WDR87: variants seen among roughly 807,000 people sequenced by gnomAD.
WDR87 encodes WD repeat domain 87.
WDR87 carries 56 observed loss-of-function variants against 83.3 expected under a neutral mutation model. The observed-to-expected ratio is 0.67, with a 90% CI of 0.54 to 0.84. The LOEUF (loss-of-function observed/expected upper bound fraction) is 0.84. Ranked by LOEUF, WDR87 falls within the 40% of genes least tolerant of loss-of-function variation. The pLI, the probability that WDR87 is intolerant of heterozygous loss-of-function variation, is 0.00. For synonymous variants in WDR87, 1,173 were observed against 1,250.6 expected, an observed-to-expected ratio of 0.94 and a Z score of 1.31; for missense variants, 2,939 against 3,431.9, an observed-to-expected ratio of 0.86 and a Z score of 3.59.
At position 37,891,836 on chromosome 19, in the gene WDR87, G is replaced by A; in HGVS notation, c.3126-16C>T. ...CATCTGCTGCCTATGAAAGTCAAAGGAGAAGAAGGACTATGCTGAGTCAGG... is the reference window on the plus strand; with the variant it reads ...CATCTGCTGCCTATGAAAGTCAAAGAAGAAGAAGGACTATGCTGAGTCAGG... On this transcript the variant is annotated splice_polypyrimidine_tract_variant and intron_variant, in intron 4 of 5. Coordinates refer to ENST00000447313, the MANE Select transcript of WDR87 (RefSeq NM_001291088.2). 1 of 1,550,062 alleles carries A rather than the reference G, an allele frequency of 6.5e-7. No individual in the cohort carries two copies. The highest frequency in any genetic ancestry group is 8.7e-7 in the Non-Finnish European group (1 of 1,146,040).
chr19:37,886,965 A>G lies in WDR87; in HGVS notation c.6706T>C (p.Trp2236Arg). Residue 2236 changes from tryptophan (W) to arginine (R), a missense_variant, in exon 6 of 6, where the codon TGG (tryptophan) becomes CGG (arginine). Physicochemically the swap from Trp to Arg is moderately radical, Grantham distance 101 (BLOSUM62 -3). This residue lies in a region of WDR87 where 2,160 missense variants were observed against 2,533.1 expected (regional missense o/e 0.85). Coordinates refer to ENST00000447313, the MANE Select transcript of WDR87 (RefSeq NM_001291088.2). ...CTCTTGGCCTCTTTCCTCTTTCTCC[A>G]CCTTCGTTTAAGGAATGGGATTACC... ...EEVIPFLKRR[W>R]RKRKEAKRGD... is the part of the protein sequence containing the mutation. 3 of 1,551,112 alleles carry G rather than the reference A, an allele frequency of 1.9e-6. No individual in the cohort carries two copies. The highest frequency in any genetic ancestry group is 1.7e-4 in the Middle Eastern group (1 of 5,998).
In WDR87 at chr19:37,886,200, C is replaced by A; in HGVS notation, c.7471G>T (p.Gly2491Cys). Reference sequence around the variant, plus strand: ...TGTGCTTGGGACTCCAAAACTGTACCCAAAACATGTGGAGGTATGGGTTCA... The same window carrying A: ...TGTGCTTGGGACTCCAAAACTGTACACAAAACATGTGGAGGTATGGGTTCA... ...KYEPIPPHVLGTVLESQAQDL... is the reference protein window; with the variant it reads ...KYEPIPPHVLCTVLESQAQDL... The change falls in exon 6 of 6, where the codon GGT (glycine) becomes TGT (cysteine). Residue 2491 changes from glycine (G) to cysteine (C), a missense_variant. Transcript: ENST00000447313. 1 of 1,551,654 alleles carries A rather than the reference C, an allele frequency of 6.4e-7. No homozygotes were observed. Among genetic ancestry groups the A allele is most frequent in the Non-Finnish European group, 8.7e-7 (1 of 1,146,998 alleles).
rs1032164984 is a variant in WDR87 at position 37,894,583 on chromosome 19, C to T, written c.1120G>A (p.Gly374Arg). The T allele has an allele frequency of 3.9e-6, 6 of 1,551,582 alleles. No homozygotes were observed. The highest frequency in any genetic ancestry group is 2.0e-5 in the Admixed American group (1 of 50,978). The change falls in exon 4 of 6, where the codon GGA (glycine) becomes AGA (arginine). Residue 374 changes from glycine (G) to arginine (R), a missense_variant. This residue lies in a region of WDR87 where 553 missense variants were observed against 577.9 expected (regional missense o/e 0.96). Transcript: ENST00000447313. ...APQQLRRVCC[G>R]NNWFRILCTT... ...CACAGGATCCGGAACCAGTTATTTC[C>T]ACAGCAGACCCGACGCAACTGCTGG...
rs2046221980 is a variant in WDR87, at chr19:37,893,176, G to A, written c.2527C>T (p.Gln843Ter). ...LWPEGTPIYL[Q>*]CNLHAPQREL... ...CGCTGGGGTGCATGCAGGTTGCACT[G>A]TAGGTATATTGGGGTGCCCTCTGGC... Residue 843 changes from glutamine (Q) to a stop codon, truncating the protein, a stop_gained, in exon 4 of 6, where the codon CAG becomes TAG. Coordinates refer to ENST00000447313, the MANE Select transcript of WDR87 (RefSeq NM_001291088.2). LOFTEE classifies it high-confidence loss of function. 1 of 1,551,844 alleles carries A rather than the reference G, an allele frequency of 6.4e-7. No individual in the cohort carries two copies.
chr19:37,889,614 T>G lies in WDR87; in HGVS notation c.4057A>C (p.Lys1353Gln), dbSNP rs1387063270. 1 of 1,551,870 alleles carries G rather than the reference T, an allele frequency of 6.4e-7. No individual in the cohort carries two copies. Among genetic ancestry groups the G allele is most frequent in the African/African-American group, 1.4e-5 (1 of 73,154 alleles). Residue 1353 changes from lysine (K) to glutamine (Q), a missense_variant, in exon 6 of 6, where the codon AAG becomes CAG. Physicochemically the swap from Lys to Gln is moderately conservative, Grantham distance 53 (BLOSUM62 1). Transcript: ENST00000447313. ...DLDWDVVPPE[K>Q]KPIFIQEGAI... ...CCTTCCTGGATAAAAATTGGTTTCT[T>G]CTCTGGCGGGACTACATCCCAATCA...
Position 37,894,903 on chromosome 19 carries a change from AC to A in WDR87, c.799del (p.Val267PhefsTer20). ...YAGNQAGEIQ[V>X]WSLQQGHPLH... ...TGGATGGCCCTGCTGGAGGCTCCAA[AC>A]TTGGATTTCCCCAGCTTGGTTTCCA... is the stretch of plus-strand genomic sequence containing the variant. On this transcript the variant is annotated frameshift_variant, in exon 4 of 6. Transcript: ENST00000447313. LOFTEE classifies it high-confidence loss of function. 1.9e-6 allele frequency: 3 copies of A among 1,551,694 alleles called. No homozygotes were observed. Among genetic ancestry groups the A allele is most frequent in the Non-Finnish European group, 2.6e-6 (3 of 1,146,996 alleles).
Position 37,895,333 on chromosome 19 carries a change from AG to A in WDR87, c.369del (p.Tyr124ThrfsTer5), listed in dbSNP as rs775573207. 7.7e-5 allele frequency: 119 copies of A among 1,551,776 alleles called. 3 individuals carry two copies. In the South Asian group the frequency reaches 1.3e-3, roughly 17 times the overall value. On this transcript the variant is annotated frameshift_variant, in exon 4 of 6. Coordinates refer to ENST00000447313, the MANE Select transcript of WDR87 (RefSeq NM_001291088.2). LOFTEE classifies it high-confidence loss of function. ...VHAGSFHILV[V>X]YCGDLILRLF... is the part of the protein sequence containing the mutation. ...AGTCGCAGGATCAGGTCACCACAGT[AG>A]ACCACGAGGATATGAAAGGAGCCTG...
intron 1 of WDR87, among the ~76,000 whole-genome samples, chr19:37,901,745 G>A (rs995045453): frequency 1.3e-5 from 2 of 151,530 alleles, no homozygotes; most frequent in Non-Finnish European, 2.9e-5. Flanking sequence ...ACAGGGTCTC[G>A]CTCTGTTGCC....
At position 37,886,743 on chromosome 19, in the gene WDR87, CCTT is replaced by C. The variant is rs139099315; in HGVS notation, c.6925_6927del (p.Lys2309del). The stretch of plus-strand genomic sequence containing the variant: ...TGCTTCTCCTCCCCTTCCTCCTCCT[CCTT>C]CCTTTCCTCCTCCTCCTCCCTTTCC... On this transcript the variant is annotated inframe_deletion, in exon 6 of 6. Transcript: ENST00000447313. The C allele has an allele frequency of 1.0e-3, 1,482 of 1,463,906 alleles. 16 individuals carry two copies. The African/African-American group carries it at 0.018, about 18-fold the overall frequency. 90.7% of individuals were successfully genotyped at this position (1,463,906 alleles called of 1,614,324 possible).
At chr19:37,903,020 T>G (rs780761780) in intron 1 of WDR87, among the ~76,000 whole-genome samples, 4 of 152,218 alleles carry the variant, frequency 2.6e-5, no homozygotes, top group Admixed American at 2.6e-4. Context: ...AATTGCAAAT[T>G]AAATTCAGTT....
chr19:37,898,507 AG>A lies in WDR87; in HGVS notation c.-46-223del, dbSNP rs540554635. The stretch of plus-strand genomic sequence containing the variant: ...TGAGGCTTGGAGAGAGCAAATTGGG[AG>A]TGAATCTTAGCGTGTTCCTGTCGTA... On this transcript the variant is annotated intron_variant, in intron 1 of 5. Coordinates refer to ENST00000447313, the MANE Select transcript of WDR87 (RefSeq NM_001291088.2). Among the ~76,000 whole-genome samples the A allele has an allele frequency of 3.3e-5, 5 of 152,288 alleles. No individual in the cohort carries two copies. The South Asian group carries it at 1.0e-3, about 32-fold the overall frequency.
Position 37,888,503 on chromosome 19 carries a change from C to T in WDR87, c.5168G>A (p.Gly1723Glu). Residue 1723 changes from glycine (G) to glutamate (E), a missense_variant, in exon 6 of 6, where the codon GGG (glycine) becomes GAG (glutamate). Transcript: ENST00000447313. ...REEEKLAKKG[G>E]KLAEVKNILA... is the part of the protein sequence containing the mutation. ...TATGTTTTTCACCTCAGCCAGTTTCCCTCCTTTCTTTGCTAGTTTCTCTTC... is the reference window on the plus strand; with the variant it reads ...TATGTTTTTCACCTCAGCCAGTTTCTCTCCTTTCTTTGCTAGTTTCTCTTC... 6.4e-7 allele frequency: 1 copy of T among 1,551,640 alleles called. No individual in the cohort carries two copies. Among genetic ancestry groups the T allele is most frequent in the South Asian group, 1.2e-5 (1 of 84,038 alleles).
chr19:37,900,863 G>GC (rs1247438074), intron 1 of WDR87, among the ~76,000 whole-genome samples: 1 of 149,244 alleles, frequency 6.7e-6, no homozygotes, highest in Non-Finnish European at 1.5e-5. Context: ...AGCAGTGGAG[G>GC]CCCCTGTGGG....
chr19:37,903,681 T>A (rs887612209), intron 1 of WDR87, among the ~76,000 whole-genome samples: 1 of 152,008 alleles, frequency 6.6e-6, no homozygotes, highest in African/African-American at 2.4e-5. Context: ...AGGCTAGTGC[T>A]ACCACACCTG....
At position 37,891,875 on chromosome 19, in the gene WDR87, ATGGG is replaced by A; in HGVS notation, c.3126-59_3126-56del. On this transcript the variant is annotated intron_variant, in intron 4 of 5. Transcript: ENST00000447313. ...TGCTGAGTCAGGAACAAAAGGGAGAATGGGAAGCAAAAAACGGTTGTGGAACAGG... is the reference window on the plus strand; with the variant it reads ...TGCTGAGTCAGGAACAAAAGGGAGAAAAGCAAAAAACGGTTGTGGAACAGG... The A allele has an allele frequency of 3.7e-5, 56 of 1,523,944 alleles. No individual in the cohort carries two copies. The Admixed American group carries it at 5.1e-4, about 14-fold the overall frequency. 94.4% of individuals were successfully genotyped at this position (1,523,944 alleles called of 1,614,324 possible).
chr19:37,894,718 G>T lies in WDR87; in HGVS notation c.985C>A (p.Arg329=). The change falls in exon 4 of 6, where the codon CGG becomes AGG. Residue 329 remains arginine, a synonymous_variant. Transcript: ENST00000447313. Reference sequence around the variant, plus strand: ...GTAATGCTGTCAATAAACTGGAGCCGGTATAGCTCCTCACCAAGCTCTAGC... The same window carrying T: ...GTAATGCTGTCAATAAACTGGAGCCTGTATAGCTCCTCACCAAGCTCTAGC... ...RRLELGEELY[R]LQFIDSITFF... 6.4e-7 allele frequency: 1 copy of T among 1,551,698 alleles called. No homozygotes were observed. Among genetic ancestry groups the T allele is most frequent in the Admixed American group, 2.0e-5 (1 of 50,998 alleles).
At position 37,889,827 on chromosome 19, in the gene WDR87, T is replaced by C; in HGVS notation, c.3844A>G (p.Arg1282Gly). The change falls in exon 6 of 6, where the codon AGG (arginine) becomes GGG (glycine). Residue 1282 changes from arginine to glycine, a missense_variant. Transcript: ENST00000447313. ...GCCATAAGACGACATAGATCGTCCC[T>C]CCATGATGAGCCATCTCCAGCGGTT... is the stretch of plus-strand genomic sequence containing the variant. ...RSTAGDGSSW[R>G]DDLCRLMALR... The C allele has an allele frequency of 1.3e-6, 2 of 1,551,768 alleles. No homozygotes were observed. The highest frequency in any genetic ancestry group is 2.4e-5 in the South Asian group (2 of 84,058).
chr19:37,888,274 C>T lies in WDR87; in HGVS notation c.5397G>A (p.Arg1799=), dbSNP rs1357521274. The change falls in exon 6 of 6, where the codon AGG becomes AGA. Residue 1799 remains arginine, a synonymous_variant. Transcript: ENST00000447313. ...TTGTCTCTTCTTCAGACAGTTTCTC[C>T]CTTTGCCAGGCCAATGCCTCCTCTT... The part of the protein sequence containing the change: ...AEEEEALAWQ[R]EKLSEEETKL... The T allele has an allele frequency of 1.9e-6, 3 of 1,551,630 alleles. No homozygotes were observed. Among genetic ancestry groups the T allele is most frequent in the Non-Finnish European group, 2.6e-6 (3 of 1,147,004 alleles).
chr19:37,900,747 C>A (rs1046966561), intron 1 of WDR87, among the ~76,000 whole-genome samples: 1 of 151,864 alleles, frequency 6.6e-6, no homozygotes, highest in African/African-American at 2.4e-5. Flanking sequence ...AGACTGCATG[C>A]TGCCCTCCTG....
Sources: allele counts gnomAD v4.1 joint callset (sites outside exome capture counted in the v4.1 genomes callset), GRCh38; gene constraint gnomAD v4.1.1; regional missense constraint gnomAD v4.1.1; transcripts MANE v1.5; gene names NCBI Gene and HGNC (gene_info 2026-07-23, HGNC 2026-07-21).